Variants in SQLE observed in about 807,000 individuals in gnomAD.
The protein encoded by SQLE is squalene monooxygenase.
A neutral mutation model predicts 60.7 loss-of-function variants in SQLE; 29 were observed. The ratio of observed to expected loss-of-function variants is 0.48; its 90% CI spans 0.36 to 0.65. The LOEUF (loss-of-function observed/expected upper bound fraction) is 0.65, where lower values mean the gene tolerates loss of function less well. Ranked by LOEUF, SQLE falls within the 30% of genes least tolerant of loss-of-function variation. The pLI is 0.00. For synonymous variants in SQLE, 237 were observed against 246.8 expected, an observed-to-expected ratio of 0.96 and a Z score of 0.37; for missense variants, 605 against 684.1, an observed-to-expected ratio of 0.88 and a Z score of 1.29.
rs890306516 is a variant in SQLE, at chr8:124,998,622, G to C, written c.-782G>C. On this transcript the variant is annotated 5_prime_UTR_variant, in exon 1 of 11. Coordinates refer to ENST00000265896, the MANE Select transcript of SQLE (RefSeq NM_003129.4). Reference sequence around the variant, plus strand: ...GGGATGCTGGTGAGGAAGCCGTCGGGAGCCGCCGCCGCCATCTGAGGGAGG... The same window carrying C: ...GGGATGCTGGTGAGGAAGCCGTCGGCAGCCGCCGCCGCCATCTGAGGGAGG... 1.8e-5 allele frequency: 12 copies of C among 683,916 alleles called. No individual in the cohort carries two copies. The highest frequency in any genetic ancestry group is 3.2e-5 in the Non-Finnish European group (12 of 376,310). 42.4% of individuals were successfully genotyped at this position (683,916 alleles called of 1,614,324 possible). A position where few individuals can be genotyped will look rare whatever the true frequency, so the allele number is the denominator to read the frequency against.
rs537397254 is a variant in SQLE, at chr8:124,998,955, G to A, written c.-449G>A. 6.2e-6 allele frequency: 2 copies of A among 323,412 alleles called. No individual in the cohort carries two copies. Among genetic ancestry groups the A allele is most frequent in the South Asian group, 2.2e-4 (2 of 9,228 alleles). The allele number at this position is 323,412 out of a possible 1,614,324, so 20.0% of individuals were successfully genotyped here. A position where few individuals can be genotyped will look rare whatever the true frequency, so the allele number is the denominator to read the frequency against. ...AGGCCACGTTTCCCCCAGTGCCGAG[G>A]TGTTTCTGTGACCCTCCCTCCACTC... On this transcript the variant is annotated 5_prime_UTR_variant, in exon 1 of 11. It adds an upstream start codon to the 5' untranslated region. Transcript: ENST00000265896.
rs1473833287 is a variant in SQLE at position 125,003,281 on chromosome 8, G to A, written c.397G>A (p.Val133Met). ...DPEVIIVGAG[V>M]LGSALAAVLS... ...AGAAGTTATCATCGTGGGAGCTGGC[G>A]TGCTTGGCTCTGCTTTGGCAGCTGT... Residue 133 changes from valine to methionine, a missense_variant, in exon 2 of 11, where the codon GTG becomes ATG. Transcript: ENST00000265896. The A allele has an allele frequency of 1.2e-6, 2 of 1,613,952 alleles. No individual in the cohort carries two copies. The highest frequency in any genetic ancestry group is 8.5e-7 in the Non-Finnish European group (1 of 1,179,892).
chr8:125,009,421 C>G (rs777099057), intron 6 of SQLE, 78 bp downstream of exon 6: 8 of 1,321,070 alleles, frequency 6.1e-6, no homozygotes, highest in Non-Finnish European at 8.2e-6. Flanking sequence ...GTGAAACATT[C>G]ATCCAGTCAA....
In SQLE at chr8:124,999,185, T is replaced by G; in HGVS notation, c.-219T>G. 1 of 410,720 alleles carries G rather than the reference T, an allele frequency of 2.4e-6. No individual in the cohort carries two copies. The highest frequency in any genetic ancestry group is 4.2e-6 in the Non-Finnish European group (1 of 238,620). The allele number at this position is 410,720 out of a possible 1,614,324, so 25.4% of individuals were successfully genotyped here. On this transcript the variant is annotated 5_prime_UTR_variant, in exon 1 of 11. Transcript: ENST00000265896. ...CCAGCAGGCGATTTTTAAATACTGC[T>G]TTCTACGCCCTATACAACTTGGCTT... is the stretch of plus-strand genomic sequence containing the variant.
chr8:125,006,869 A>T (rs948639177), intron 3 of SQLE, among the ~76,000 whole-genome samples: 111 of 151,412 alleles, frequency 7.3e-4, no homozygotes, highest in East Asian at 2.8e-3. Flanking sequence ...CACGCCTGGC[A>T]AATTTTTGTA....
At position 124,998,840 on chromosome 8, in the gene SQLE, T is replaced by C; in HGVS notation, c.-564T>C. On this transcript the variant is annotated 5_prime_UTR_variant, in exon 1 of 11. Transcript: ENST00000265896. ...GTTTTCCCGAGGTTGGGCTGTACAG[T>C]GTCTCCGTCCGCGGAAAAAGAAGCC... The C allele has an allele frequency of 2.4e-6, 1 of 416,750 alleles. No individual in the cohort carries two copies. The highest frequency in any genetic ancestry group is 4.3e-6 in the Non-Finnish European group (1 of 235,090). The allele number at this position is 416,750 out of a possible 1,614,324, so 25.8% of individuals were successfully genotyped here.
intron 3 of SQLE, among the ~76,000 whole-genome samples, chr8:125,006,593 C>A (rs949167300): frequency 1.4e-5 from 2 of 147,410 alleles, no homozygotes; most frequent in African/African-American, 2.5e-5. Context: ...TGCACTCCAG[C>A]CTGGGCGACA....
chr8:125,005,869 T>G (rs1292408701), intron 3 of SQLE, among the ~76,000 whole-genome samples, 164 bp downstream of exon 3: 2 of 152,250 alleles, frequency 1.3e-5, no homozygotes, highest in Non-Finnish European at 2.9e-5. Context: ...AGATATTCAG[T>G]GCTTTTGTTA....
chr8:124,999,589 G>A lies in SQLE; in HGVS notation c.186G>A (p.Gln62=), dbSNP rs1203312702. The A allele has an allele frequency of 1.2e-6, 2 of 1,613,538 alleles. No individual in the cohort carries two copies. Among genetic ancestry groups the A allele is most frequent in the African/African-American group, 2.7e-5 (2 of 74,904 alleles). Residue 62 remains glutamine (Q), a synonymous_variant, in exon 1 of 11, where the codon CAG becomes CAA. Transcript: ENST00000265896. ...GLLGRQQSGS[Q]FALFSDILSG... is the part of the protein sequence containing the mutation. ...TCGGGCGCCAGCAGAGCGGCTCCCA[G>A]TTCGCCCTCTTCTCGGATATTCTCT...
chr8:125,008,962 C>G lies in SQLE; in HGVS notation c.823-9C>G, dbSNP rs1814999398. The G allele has an allele frequency of 6.5e-7, 1 of 1,537,096 alleles. No individual in the cohort carries two copies. ...CTACTAAACTGAGTAGTCTTCATTT[C>G]TGTTATAGGAACTCCATGCTCCACT... On this transcript the variant is annotated splice_polypyrimidine_tract_variant and intron_variant, in intron 4 of 10. Coordinates refer to ENST00000265896, the MANE Select transcript of SQLE (RefSeq NM_003129.4).
At chr8:125,003,878 G>A (rs1404652335) in intron 2 of SQLE, among the ~76,000 whole-genome samples, 4 of 151,388 alleles carry the variant, frequency 2.6e-5, no homozygotes, top group African/African-American at 9.7e-5. Flanking sequence ...TACTTTGTGT[G>A]GGGATGGGGT....
chr8:125,006,447 C>T (rs986186921), intron 3 of SQLE, among the ~76,000 whole-genome samples: 6 of 151,566 alleles, frequency 4.0e-5, no homozygotes, highest in Admixed American at 2.6e-4. Flanking sequence ...GGTGAAACCC[C>T]GTCTCTACTA....
chr8:125,017,966 G>T, intron 7 of SQLE, 93 bp from the exon 8 acceptor site: 2 of 1,355,836 alleles, frequency 1.5e-6, no homozygotes, highest in Non-Finnish European at 1.0e-6. Flanking sequence ...CTTATTATTA[G>T]CTTACATCAG....
chr8:125,021,827 A>C lies in SQLE; in HGVS notation c.1607A>C (p.Lys536Thr), dbSNP rs763990788. ...ATCTATGCCGTGTATTTTTGCTTTA[A>C]GTCAGAACCTTGGATTACAAAACCT... ...VAIYAVYFCF[K>T]SEPWITKPRA... The change falls in exon 11 of 11, where the codon AAG becomes ACG. Residue 536 changes from lysine (K) to threonine (T), a missense_variant. Transcript: ENST00000265896. 1.2e-6 allele frequency: 2 copies of C among 1,610,400 alleles called. No homozygotes were observed. Among genetic ancestry groups the C allele is most frequent in the South Asian group, 2.2e-5 (2 of 90,360 alleles).
At chr8:125,011,094 C>A (rs148627141) in intron 6 of SQLE, 3 of 152,188 alleles carry the variant, frequency 2.0e-5, no homozygotes, top group African/African-American at 7.2e-5. Context: ...GGGCTGGCCT[C>A]GAATTCCTTT....
intron 9 of SQLE, 195 bp downstream of exon 9, chr8:125,018,922 TC>T (rs746287269): frequency 6.5e-5 from 35 of 537,432 alleles, no homozygotes; most frequent in Non-Finnish European, 1.0e-4. Flanking sequence ...TAGTGGAATT[TC>T]CTTAGACAAC....
At position 125,016,234 on chromosome 8, in the gene SQLE, CT is replaced by C. The variant is rs1278435532; in HGVS notation, c.1205-1823del. ...TCTATCTCCTTTTAAAGGCCAAGAA[CT>C]TAGATTTGCTCTTTTGAAATTATTT... On this transcript the variant is annotated intron_variant, in intron 7 of 10. Transcript: ENST00000265896. This position sits in a 1 kb window ranked among gnomAD's most constrained non-coding sequence, Gnocchi z 4.1. Among the ~76,000 whole-genome samples the C allele has an allele frequency of 6.6e-6, 1 of 152,052 alleles. No individual in the cohort carries two copies. Among genetic ancestry groups the C allele is most frequent in the Non-Finnish European group, 1.5e-5 (1 of 68,026 alleles).
rs568009334 is a variant in SQLE, at chr8:125,016,832, C to T, written c.1205-1227C>T. Among the ~76,000 whole-genome samples the T allele has an allele frequency of 6.6e-6, 1 of 152,182 alleles. No individual in the cohort carries two copies. Among genetic ancestry groups the T allele is most frequent in the Non-Finnish European group, 1.5e-5 (1 of 68,028 alleles). On this transcript the variant is annotated intron_variant, in intron 7 of 10. Transcript: ENST00000265896. The surrounding 1 kb of genome is among the most constrained non-coding windows in gnomAD (Gnocchi z 4.1). ...TAGCAGCCGTATCTGTATTAAGGGG[C>T]ACCCCAAGTCCAGTAACATTGTGAC... is the stretch of plus-strand genomic sequence containing the variant.
chr8:125,006,625 A>G (rs937685106), intron 3 of SQLE, among the ~76,000 whole-genome samples: 7 of 151,710 alleles, frequency 4.6e-5, no homozygotes, highest in Non-Finnish European at 1.0e-4. Flanking sequence ...GGTCTCAAAA[A>G]AAAAAAAAAA....
Sources: allele counts gnomAD v4.1 joint callset (sites outside exome capture counted in the v4.1 genomes callset), GRCh38; gene constraint gnomAD v4.1.1; non-coding constraint Gnocchi (gnomAD v3.1); transcripts MANE v1.5; gene names NCBI Gene and HGNC (gene_info 2026-07-23, HGNC 2026-07-21).